The following LEPROTL1 variants were observed in gnomAD, a reference collection of about 807,000 sequenced individuals.
LEPROTL1 encodes the protein leptin receptor overlapping transcript like 1.
A neutral mutation model predicts 15.4 loss-of-function variants in LEPROTL1; 6 were observed. The ratio of observed to expected loss-of-function variants is 0.39; its 90% CI spans 0.21 to 0.77. The LOEUF (loss-of-function observed/expected upper bound fraction) is 0.77. Among genes scored for constraint, LEPROTL1 ranks in the 30% least tolerant of loss-of-function variants. LEPROTL1 has a pLI of 0.41. For missense variants in LEPROTL1, 128 were observed against 158.1 expected (o/e 0.81, Z 1.02); for synonymous variants, 56 against 52.6 (o/e 1.06, Z -0.28).
At chr8:30,133,217 A>G (rs1363703315) in intron 4 of LEPROTL1, among the ~76,000 whole-genome samples, 1 of 152,102 alleles carries the variant, frequency 6.6e-6, no homozygotes, top group Non-Finnish European at 1.5e-5. Context: ...GCCCCTGGCA[A>G]TATTTATAGA....
chr8:30,130,395 A>G (rs1332107598), intron 3 of LEPROTL1, among the ~76,000 whole-genome samples: 1 of 152,376 alleles, frequency 6.6e-6, no homozygotes, highest in Non-Finnish European at 1.5e-5. Context: ...AAAGTTGACT[A>G]AAGAAAAATG....
At chr8:30,114,212 C>T (rs1563216343) in intron 3 of LEPROTL1, among the ~76,000 whole-genome samples, 2 of 151,952 alleles carry the variant, frequency 1.3e-5, no homozygotes, top group African/African-American at 4.8e-5. Context: ...CCAGAACCTG[C>T]CATCTGCTTG....
chr8:30,132,557 G>A, intron 4 of LEPROTL1: 1 of 1,551,746 alleles, frequency 6.4e-7, no homozygotes. Flanking sequence ...CAATCAGTCA[G>A]TCCCGCTCCT....
intron 1 of LEPROTL1, among the ~76,000 whole-genome samples, chr8:30,101,078 C>A (rs890565479): frequency 2.6e-5 from 4 of 152,132 alleles, no homozygotes; most frequent in African/African-American, 9.7e-5. Context: ...AAATCATTAA[C>A]TACAGATATT....
chr8:30,127,685 TACAC>T (rs71206231), intron 3 of LEPROTL1, among the ~76,000 whole-genome samples: 10 of 135,094 alleles, frequency 7.4e-5, no homozygotes, highest in African/African-American at 8.4e-5. Context: ...AAAAAAAAAA[TACAC>T]ACACACACAC....
intron 2 of LEPROTL1, among the ~76,000 whole-genome samples, chr8:30,102,318 C>T (rs908487216): frequency 2.2e-4 from 18 of 82,510 alleles, no homozygotes; most frequent in African/African-American, 5.5e-4. Flanking sequence ...ATACCATAAG[C>T]AGTCAAAACA....
rs200671426 is a variant in LEPROTL1, at chr8:30,121,262, G to GT, written c.280-11105dup. Among the ~76,000 whole-genome samples, 515 of 150,870 alleles carry GT rather than the reference G, an allele frequency of 3.4e-3. 7 individuals are homozygous for GT. Among genetic ancestry groups the GT allele is most frequent in the African/African-American group, 0.011 (466 of 41,060 alleles). On this transcript the variant is annotated intron_variant, in intron 3 of 4. Coordinates refer to the LEPROTL1 transcript ENST00000442880. ...TGTTTTTGTTTTTGTTTTTGTTTTTGTTTTTTTTGAGATGGACTCTCACTC... is the reference window on the plus strand; with the variant it reads ...TGTTTTTGTTTTTGTTTTTGTTTTTGTTTTTTTTTGAGATGGACTCTCACTC...
chr8:30,096,585 T>C (rs897221367), intron 1 of LEPROTL1, among the ~76,000 whole-genome samples: 8 of 152,244 alleles, frequency 5.3e-5, no homozygotes, highest in African/African-American at 1.7e-4. Context: ...ACTGGGATAC[T>C]TTGTAATCTC....
chr8:30,119,353 C>A (rs1802792592), intron 3 of LEPROTL1, among the ~76,000 whole-genome samples: 1 of 152,192 alleles, frequency 6.6e-6, no homozygotes, highest in Non-Finnish European at 1.5e-5. Flanking sequence ...TACGTAGACA[C>A]AGTAACAGTC....
chr8:30,104,703 CTTTTTTTTTTCTTTTT>C (rs1802531367), intron 3 of LEPROTL1: 1 of 334,584 alleles, frequency 3.0e-6, no homozygotes, highest in Admixed American at 5.0e-5. Context: ...CTTGCTAATA[CTTTTTTTTTTCTTTTT>C]TTTTTTTTTT....
rs1265923696 is a variant in LEPROTL1, at chr8:30,105,770, G to C, written c.304G>C (p.Val102Leu). 1.3e-6 allele frequency: 2 copies of C among 1,586,626 alleles called. No individual in the cohort carries two copies. The highest frequency in any genetic ancestry group is 1.7e-6 in the Non-Finnish European group (2 of 1,165,422). Residue 102 changes from valine (V) to leucine (L), a missense_variant, in exon 4 of 4, where the codon GTT (valine) becomes CTT (leucine). Coordinates refer to ENST00000321250, the MANE Select transcript of LEPROTL1 (RefSeq NM_015344.3). ...GATTGAGTGGGGAGCTTGTGCACTTGTTCTCACAGGAAACACAGTCATCTT... is the reference window on the plus strand; with the variant it reads ...GATTGAGTGGGGAGCTTGTGCACTTCTTCTCACAGGAAACACAGTCATCTT... The part of the protein sequence containing the change: ...HLIEWGACAL[V>L]LTGNTVIFAT...
intron 3 of LEPROTL1, among the ~76,000 whole-genome samples, chr8:30,130,670 A>T (rs1360988323): frequency 6.6e-6 from 1 of 152,192 alleles, no homozygotes; most frequent in Non-Finnish European, 1.5e-5. Flanking sequence ...CTGTGTATTT[A>T]ACAATTATGT....
intron 3 of LEPROTL1, among the ~76,000 whole-genome samples, chr8:30,119,718 G>A (rs937653348): frequency 6.6e-6 from 1 of 152,122 alleles, no homozygotes; most frequent in Non-Finnish European, 1.5e-5. Context: ...ATCTATATAC[G>A]AAAATATTAA....
chr8:30,106,385 T>C lies in LEPROTL1; in HGVS notation c.*523T>C, dbSNP rs1444976692. ...GACGGTTGGCATACGTTATAGACTG[T>C]ATACTCAGTGCAAATATAGCTGCAT... On this transcript the variant is annotated 3_prime_UTR_variant, in exon 4 of 4. Transcript: ENST00000321250. 6 of 985,924 alleles carry C rather than the reference T, an allele frequency of 6.1e-6. No homozygotes were observed. The highest frequency in any genetic ancestry group is 2.3e-4 in the East Asian group (2 of 8,820). 61.1% of individuals were successfully genotyped at this position (985,924 alleles called of 1,614,324 possible).
rs779019360 is a variant in LEPROTL1, at chr8:30,104,400, G to A, written c.193G>A (p.Ala65Thr). The A allele has an allele frequency of 8.7e-6, 14 of 1,612,382 alleles. No individual in the cohort carries two copies. In the African/African-American group the frequency reaches 9.4e-5, roughly 11 times the overall value. The change falls in exon 3 of 4, where the codon GCT (alanine) becomes ACT (threonine). Residue 65 changes from alanine (A) to threonine (T), a missense_variant. By Grantham distance (58) the Ala-to-Thr change is moderately conservative. Transcript: ENST00000321250. ...GGATGATACAGATGCTATGAGTAAC[G>A]CTTGTAAGGAACTTGCCATCTTTCT... ...LVDDTDAMSN[A>T]CKELAIFLTT...
intron 3 of LEPROTL1, among the ~76,000 whole-genome samples, chr8:30,120,634 A>G (rs1423346645): frequency 1.3e-5 from 2 of 152,006 alleles, no homozygotes; most frequent in Non-Finnish European, 2.9e-5. Context: ...CGGCTTGAGC[A>G]ATCCTCCTGT....
intron 3 of LEPROTL1, among the ~76,000 whole-genome samples, chr8:30,119,216 A>G (rs1335203224): frequency 6.6e-6 from 1 of 152,208 alleles, no homozygotes; most frequent in Non-Finnish European, 1.5e-5. Context: ...CCCTTAAACC[A>G]TGATTCCATG....
chr8:30,136,792 G>A (rs1488624006), intron 4 of LEPROTL1, among the ~76,000 whole-genome samples: 14 of 149,986 alleles, frequency 9.3e-5, no homozygotes, highest in Non-Finnish European at 1.5e-4. Flanking sequence ...GCAGTGATGC[G>A]ATCTCCTGTC....
chr8:30,133,000 A>G (rs1007454178), intron 4 of LEPROTL1: 7 of 1,280,988 alleles, frequency 5.5e-6, no homozygotes, highest in South Asian at 4.7e-5. Context: ...CAGGAAATAG[A>G]TAGGTCTGTA....
Sources: gnomAD v4.1 joint callset for allele counts (sites outside exome capture counted in the v4.1 genomes callset) on GRCh38, gnomAD v4.1.1 for gene constraint, MANE v1.5 for transcripts, NCBI Gene and HGNC (gene_info 2026-07-23, HGNC 2026-07-21) for gene names.